The following SNTB1 variants were observed in gnomAD, a reference collection of about 807,000 sequenced individuals.
SNTB1 encodes the protein syntrophin beta 1.
In SNTB1, 36 loss-of-function variants were observed where a neutral mutation model predicts 48.9. The observed-to-expected ratio is 0.74, with a 90% CI of 0.56 to 0.97. The LOEUF (loss-of-function observed/expected upper bound fraction) is 0.97, where lower values mean the gene tolerates loss of function less well. Among genes scored for constraint, SNTB1 ranks in the 50% least tolerant of loss-of-function variants. The pLI, the probability that SNTB1 is intolerant of heterozygous loss-of-function variation, is 0.00. For missense variants in SNTB1, 786 were observed against 703.4 expected (o/e 1.12, Z -1.33); for synonymous variants, 299 against 294.6 (o/e 1.01, Z -0.15).
At chr8:120,640,870 C>T (rs1817182820) in intron 2 of SNTB1, among the ~76,000 whole-genome samples, 1 of 152,082 alleles carries the variant, frequency 6.6e-6, no homozygotes, top group Admixed American at 6.6e-5. Context: ...GCTTTGGTAT[C>T]AGGATGATGC....
At chr8:120,803,422 T>A (rs923768188) in intron 1 of SNTB1, among the ~76,000 whole-genome samples, 15 of 152,228 alleles carry the variant, frequency 9.9e-5, no homozygotes, top group African/African-American at 3.6e-4. Flanking sequence ...GCCAGTGAAG[T>A]GGGTAATGAG....
rs142853752 is a variant in SNTB1 at position 120,799,483 on chromosome 8, A to G, written c.571+11790T>C. On this transcript the variant is annotated intron_variant, in intron 1 of 6. Coordinates refer to ENST00000517992, the MANE Select transcript of SNTB1 (RefSeq NM_021021.4). Reference sequence around the variant, plus strand: ...GAGGATGCTATATAAAAAAGGAACAATCAAAGAACAAGAAAATGGTTTGGG... The same window carrying G: ...GAGGATGCTATATAAAAAAGGAACAGTCAAAGAACAAGAAAATGGTTTGGG... Among the ~76,000 whole-genome samples the G allele has an allele frequency of 2.6e-3, 393 of 152,166 alleles. 1 individual carries two copies. Among genetic ancestry groups the G allele is most frequent in the African/African-American group, 9.1e-3 (380 of 41,542 alleles).
At chr8:120,680,610 C>T (rs1817914995) in intron 2 of SNTB1, among the ~76,000 whole-genome samples, 1 of 152,104 alleles carries the variant, frequency 6.6e-6, no homozygotes, top group Non-Finnish European at 1.5e-5. Context: ...TTTGTGATGC[C>T]CCCATTTCCA....
At chr8:120,544,790 CTTTTTTTTTTT>C (rs113100073) in intron 5 of SNTB1, among the ~76,000 whole-genome samples, 1 of 114,170 alleles carries the variant, frequency 8.8e-6, no homozygotes, top group Non-Finnish European at 1.7e-5. Context: ...AAATTCAAAA[CTTTTTTTTTTT>C]TTTTTTTTTT....
chr8:120,751,952 G>A (rs954499248), intron 1 of SNTB1, among the ~76,000 whole-genome samples: 2 of 152,170 alleles, frequency 1.3e-5, no homozygotes, highest in Non-Finnish European at 2.9e-5. Flanking sequence ...AGCTCAGCAT[G>A]TCATTTAAAA....
At chr8:120,726,477 A>G (rs1818756941) in intron 1 of SNTB1, among the ~76,000 whole-genome samples, 1 of 152,216 alleles carries the variant, frequency 6.6e-6, no homozygotes, top group African/African-American at 2.4e-5. Flanking sequence ...TAATTCCCAC[A>G]ATTTTTCAAA....
rs574978297 is a variant in SNTB1, at chr8:120,571,479, GTTTTTTTTTTTTTTTTTTTTTTTTT to G, written c.1136+3582_1136+3606del. On this transcript the variant is annotated intron_variant, in intron 4 of 6. Coordinates refer to ENST00000517992, the MANE Select transcript of SNTB1 (RefSeq NM_021021.4). The stretch of plus-strand genomic sequence containing the variant: ...GATGTTTACATTCTGACTATTGAGG[GTTTTTTTTTTTTTTTTTTTTTTTTT>G]TTTTTTTTTTTGAGACAGAGTCCCA... The G allele has an allele frequency of 2.8e-3, 471 of 167,082 alleles. 7 individuals are homozygous for G. Among genetic ancestry groups the G allele is most frequent in the African/African-American group, 0.023 (435 of 18,990 alleles). The allele number at this position is 167,082 out of a possible 1,614,324, so 10.3% of individuals were successfully genotyped here.
chr8:120,572,962 T>A (rs566678891), intron 4 of SNTB1, among the ~76,000 whole-genome samples: 5 of 152,278 alleles, frequency 3.3e-5, no homozygotes, highest in Admixed American at 2.6e-4. Context: ...TCTTGGTTGC[T>A]GTGAATAATG....
intron 2 of SNTB1, among the ~76,000 whole-genome samples, chr8:120,641,040 AT>A (rs896688510): frequency 2.0e-5 from 3 of 151,058 alleles, no homozygotes; most frequent in South Asian, 2.1e-4. Context: ...AATAGCCAGC[AT>A]TTTTTTTTCT....
intron 1 of SNTB1, among the ~76,000 whole-genome samples, chr8:120,735,758 G>A (rs1268623864): frequency 6.6e-6 from 1 of 152,060 alleles, no homozygotes; most frequent in Non-Finnish European, 1.5e-5. Flanking sequence ...ATTTTGTTTT[G>A]GTAGCCTTGG....
chr8:120,732,158 C>CT (rs759595883), intron 1 of SNTB1, among the ~76,000 whole-genome samples: 11 of 152,200 alleles, frequency 7.2e-5, no homozygotes, highest in Admixed American at 1.3e-4. Context: ...CTTCAAAGTG[C>CT]TGATATGACT....
chr8:120,778,451 T>G (rs1819775232), intron 1 of SNTB1, among the ~76,000 whole-genome samples: 1 of 152,196 alleles, frequency 6.6e-6, no homozygotes, highest in South Asian at 2.1e-4. Context: ...ACCTCTAATT[T>G]CATCAGTGCT....
chr8:120,564,112 CAA>C (rs201728533), intron 4 of SNTB1, among the ~76,000 whole-genome samples: 24 of 111,522 alleles, frequency 2.2e-4, no homozygotes, highest in Admixed American at 4.3e-4. Context: ...CTGTCTCAAA[CAA>C]AAAAAAAAAA....
intron 4 of SNTB1, among the ~76,000 whole-genome samples, chr8:120,573,595 A>G (rs1815893385): frequency 6.6e-6 from 1 of 152,276 alleles, no homozygotes; most frequent in Non-Finnish European, 1.5e-5. Context: ...GGTGTCATAT[A>G]CAATAAATCA....
chr8:120,738,516 T>TCTAC (rs1165749106), intron 1 of SNTB1, among the ~76,000 whole-genome samples: 1 of 144,898 alleles, frequency 6.9e-6, no homozygotes, highest in Non-Finnish European at 1.5e-5. Flanking sequence ...ATTGACCTTT[T>TCTAC]CTACCTACCT....
chr8:120,778,613 T>C (rs2130123245), intron 1 of SNTB1, among the ~76,000 whole-genome samples: 1 of 152,286 alleles, frequency 6.6e-6, no homozygotes, highest in East Asian at 1.9e-4. Context: ...CTGAAAGAAA[T>C]TAGTGGTGGT....
intron 2 of SNTB1, among the ~76,000 whole-genome samples, chr8:120,671,614 C>A (rs1817758553): frequency 6.6e-6 from 1 of 152,236 alleles, no homozygotes; most frequent in South Asian, 2.1e-4. Flanking sequence ...GCCATCAAGA[C>A]ATTGGCCCTA....
chr8:120,758,364 C>T (rs991991956), intron 1 of SNTB1, among the ~76,000 whole-genome samples: 1 of 152,036 alleles, frequency 6.6e-6, no homozygotes, highest in African/African-American at 2.4e-5. Flanking sequence ...CAGACATATT[C>T]AATAAGGGCC....
rs777446989 is a variant in SNTB1 at position 120,538,848 on chromosome 8, C to T, written c.*29G>A. ...GTTCTCTGGTGGCATTGCAGCCCTT[C>T]TTTTCTCAAAGGCAAGTCACCCCTG... On this transcript the variant is annotated 3_prime_UTR_variant, in exon 7 of 7. Transcript: ENST00000517992. 7.6e-6 allele frequency: 12 copies of T among 1,583,722 alleles called. No homozygotes were observed. The highest frequency in any genetic ancestry group is 1.0e-5 in the Non-Finnish European group (12 of 1,152,928).
Sources: gnomAD v4.1 joint callset for allele counts (sites outside exome capture counted in the v4.1 genomes callset) on GRCh38, gnomAD v4.1.1 for gene constraint, MANE v1.5 for transcripts, NCBI Gene and HGNC (gene_info 2026-07-23, HGNC 2026-07-21) for gene names.